Variants in PHB2 observed in about 807,000 individuals in gnomAD.
The protein encoded by PHB2 is prohibitin-2.
In PHB2, 22 loss-of-function variants were observed where a neutral mutation model predicts 46.4. The ratio of observed to expected loss-of-function variants is 0.47; its 90% CI spans 0.34 to 0.68. PHB2 has a LOEUF of 0.68. Among genes scored for constraint, PHB2 ranks in the 30% least tolerant of loss-of-function variants. The pLI, the probability that PHB2 is intolerant of heterozygous loss-of-function variation, is 0.01. For missense variants in PHB2, 305 were observed against 382.8 expected (o/e 0.80, Z 1.70); for synonymous variants, 156 against 150.5 (o/e 1.04, Z -0.27).
At chr12:6,965,794 C>T (rs1203613669) in intron 9 of PHB2, 82 bp from the exon 10 acceptor site, 61 of 1,540,410 alleles carry the variant, frequency 4.0e-5, no homozygotes, top group South Asian at 9.0e-5. Flanking sequence ...ATTCCCTCTA[C>T]GACCCTCCTA....
chr12:6,967,653 A>T lies in PHB2; in HGVS notation c.711+23T>A. The T allele has an allele frequency of 6.3e-7, 1 of 1,582,216 alleles. No homozygotes were observed. The highest frequency in any genetic ancestry group is 8.7e-7 in the Non-Finnish European group (1 of 1,151,580). ...CTCAGGTGCCCTAGGGGCTGGGCTG[A>T]GATCTCTCCAGCAGAAGGATATCAT... On this transcript the variant is annotated intron_variant, in intron 6 of 9. Transcript: ENST00000535923. The surrounding 1 kb of genome is among the most constrained non-coding windows in gnomAD (Gnocchi z 4.9).
At position 6,967,048 on chromosome 12, in the gene PHB2, A is replaced by C; in HGVS notation, c.789+123T>G. On this transcript the variant is annotated intron_variant, in intron 7 of 9. Coordinates refer to ENST00000535923, the MANE Select transcript of PHB2 (RefSeq NM_001144831.2). The surrounding 1 kb of genome is among the most constrained non-coding windows in gnomAD (Gnocchi z 4.9). ...ACATGCGTGAGCCACCGCGCCGGCC[A>C]GAGAAGCCAATCTGAGTAGAAACCG... 2 of 861,114 alleles carry C rather than the reference A, an allele frequency of 2.3e-6. No homozygotes were observed. The highest frequency in any genetic ancestry group is 3.7e-6 in the Non-Finnish European group (2 of 533,820). 53.3% of individuals were successfully genotyped at this position (861,114 alleles called of 1,614,324 possible).
At position 6,965,530 on chromosome 12, in the gene PHB2, T is replaced by C; in HGVS notation, c.*155A>G. 2.9e-6 allele frequency: 2 copies of C among 690,282 alleles called. No homozygotes were observed. Among genetic ancestry groups the C allele is most frequent in the South Asian group, 1.5e-5 (1 of 65,536 alleles). The allele number at this position is 690,282 out of a possible 1,614,324, so 42.8% of individuals were successfully genotyped here. On this transcript the variant is annotated 3_prime_UTR_variant, in exon 10 of 10. Transcript: ENST00000535923. ...CCCCAGAAAAGGGGCTAGTCTTCAG[T>C]CTTCCTTAATCCAAGAGGGGTTCAG...
rs782267131 is a variant in PHB2, at chr12:6,970,325, G to A, written c.128-45C>T. ...GATCAGGCCAGGCCGCTGCTCAGAG[G>A]AAATGCTAGGCCCGTGGAGGGGCGC... On this transcript the variant is annotated intron_variant, in intron 1 of 9. Transcript: ENST00000535923. The A allele has an allele frequency of 8.1e-6, 13 of 1,606,904 alleles. No homozygotes were observed. The East Asian group carries it at 1.1e-4, about 14-fold the overall frequency.
chr12:6,968,038 AGAGGGGAAGG>A lies in PHB2; in HGVS notation c.478-27_478-18del. 1 of 1,584,960 alleles carries A rather than the reference AGAGGGGAAGG, an allele frequency of 6.3e-7. No individual in the cohort carries two copies. The highest frequency in any genetic ancestry group is 8.6e-7 in the Non-Finnish European group (1 of 1,160,858). ...CAGGGATACCTGAGGGCAGGGGTGA[AGAGGGGAAGG>A]GAGGGGTGGTTTGAGGGGACTGGGG... On this transcript the variant is annotated intron_variant, in intron 4 of 9. Transcript: ENST00000535923.
chr12:6,970,122 C>G (rs1487698146), intron 2 of PHB2, 74 bp downstream of exon 2: 5 of 1,093,662 alleles, frequency 4.6e-6, no homozygotes, highest in Non-Finnish European at 7.0e-6. Context: ...TCCTGTTGCA[C>G]GTCCGACTAT....
rs1472871274 is a variant in PHB2, at chr12:6,970,316, TG to T, written c.128-37del. 8.7e-6 allele frequency: 14 copies of T among 1,609,170 alleles called. No individual in the cohort carries two copies. In the East Asian group the frequency reaches 3.1e-4, roughly 36 times the overall value. On this transcript the variant is annotated intron_variant, in intron 1 of 9. Coordinates refer to ENST00000535923, the MANE Select transcript of PHB2 (RefSeq NM_001144831.2). ...ATGGGTGGTGATCAGGCCAGGCCGC[TG>T]CTCAGAGGAAATGCTAGGCCCGTGG...
At position 6,968,504 on chromosome 12, in the gene PHB2, G is replaced by A. The variant is rs373142797; in HGVS notation, c.384C>T (p.Tyr128=). Reference sequence around the variant, plus strand: ...CAATGGACGGCAACACTCGTTCCTCGTAGTCCAGCCCTAGGCGCTGGTACA... The same window carrying A: ...CAATGGACGGCAACACTCGTTCCTCATAGTCCAGCCCTAGGCGCTGGTACA... ...PSMYQRLGLD[Y]EERVLPSIVN... is the part of the protein sequence containing the mutation. Residue 128 remains tyrosine (Y), a synonymous_variant, in exon 4 of 10, where the codon TAC becomes TAT. Coordinates refer to ENST00000535923, the MANE Select transcript of PHB2 (RefSeq NM_001144831.2). 9.5e-5 allele frequency: 154 copies of A among 1,613,276 alleles called. No homozygotes were observed. The African/African-American group carries it at 1.7e-3, about 17-fold the overall frequency.
intron 9 of PHB2, 62 bp from the exon 10 acceptor site, chr12:6,965,774 A>G (rs782734393): frequency 1.3e-5 from 20 of 1,551,240 alleles, no homozygotes; most frequent in Non-Finnish European, 1.8e-5. Context: ...GAGGCAGGAC[A>G]CTCTAGGCCA....
In PHB2 at chr12:6,968,140, T is replaced by A. The variant is rs1946247583; in HGVS notation, c.478-119A>T. On this transcript the variant is annotated intron_variant, in intron 4 of 9. Transcript: ENST00000535923. The stretch of plus-strand genomic sequence containing the variant: ...TACAACATGCACTGCCTTAGCTTCC[T>A]GTCAGGCAAACCTGTAACATAAGCC... 1.4e-5 allele frequency: 13 copies of A among 949,448 alleles called. No individual in the cohort carries two copies. In the South Asian group the frequency reaches 2.2e-4, roughly 16 times the overall value. The allele number at this position is 949,448 out of a possible 1,614,324, so 58.8% of individuals were successfully genotyped here. A position where few individuals can be genotyped will look rare whatever the true frequency, so the allele number is the denominator to read the frequency against.
Position 6,970,362 on chromosome 12 carries a change from AAGGGGTTTGGGGG to A in PHB2, c.127+42_127+54del, listed in dbSNP as rs1946300793. The A allele has an allele frequency of 3.1e-6, 5 of 1,604,740 alleles. No homozygotes were observed. The Admixed American group carries it at 8.3e-5, about 27-fold the overall frequency. On this transcript the variant is annotated intron_variant, in intron 1 of 9. Coordinates refer to ENST00000535923, the MANE Select transcript of PHB2 (RefSeq NM_001144831.2). ...CCGTGGAGGGGCGCGGGGACAGGGCAAGGGGTTTGGGGGAGGGACTGGAAGCGTCCGGCGAGCA... is the reference window on the plus strand; with the variant it reads ...CCGTGGAGGGGCGCGGGGACAGGGCAAGGGACTGGAAGCGTCCGGCGAGCA...
Position 6,968,603 on chromosome 12 carries a change from T to C in PHB2, c.293-8A>G. 1 of 1,612,692 alleles carries C rather than the reference T, an allele frequency of 6.2e-7. No individual in the cohort carries two copies. The highest frequency in any genetic ancestry group is 1.3e-5 in the African/African-American group (1 of 75,044). On this transcript the variant is annotated splice_region_variant and splice_polypyrimidine_tract_variant and intron_variant, in intron 3 of 9. Transcript: ENST00000535923. ...TATTCACCATCTGTAGGTCTGAGAT[T>C]GAGGTCAGCAGTGGCTGGTCAAGGC...
chr12:6,966,040 T>G, intron 8 of PHB2, 124 bp from the exon 9 acceptor site: 1 of 1,042,472 alleles, frequency 9.6e-7, no homozygotes, highest in Non-Finnish European at 1.4e-6. Flanking sequence ...ATAAACAGGG[T>G]TGACAGCCAG....
Position 6,965,718 on chromosome 12 carries a change from G to A in PHB2, c.873-6C>T. ...TACCCTTGATGAGGCTGTCACTGTA[G>A]GAAAAAAAAGATAGATAATGACATT... On this transcript the variant is annotated splice_polypyrimidine_tract_variant and splice_region_variant and intron_variant, in intron 9 of 9. Transcript: ENST00000535923. The A allele has an allele frequency of 2.5e-6, 4 of 1,610,284 alleles. No homozygotes were observed.
At position 6,967,873 on chromosome 12, in the gene PHB2, C is replaced by A. The variant is rs782067474; in HGVS notation, c.607+19G>T. ...TCCTGCATCTCAGAAGCCCTCACCC[C>A]ACGGCTCTTGCGACTCACCCACTTG... On this transcript the variant is annotated intron_variant, in intron 5 of 9. Transcript: ENST00000535923. This position sits in a 1 kb window ranked among gnomAD's most constrained non-coding sequence, Gnocchi z 4.9. 76 of 1,613,046 alleles carry A rather than the reference C, an allele frequency of 4.7e-5. No individual in the cohort carries two copies. In the Admixed American group the frequency reaches 1.2e-3, roughly 26 times the overall value.
chr12:6,970,298 G>A lies in PHB2; in HGVS notation c.128-18C>T. On this transcript the variant is annotated intron_variant, in intron 1 of 9. Transcript: ENST00000535923. ...GCCTTCCACTGTGGGGAGATGGGTG[G>A]TGATCAGGCCAGGCCGCTGCTCAGA... 6.2e-7 allele frequency: 1 copy of A among 1,611,444 alleles called. No individual in the cohort carries two copies. The highest frequency in any genetic ancestry group is 1.1e-5 in the South Asian group (1 of 91,056).
At chr12:6,970,069 C>T (rs782621830) in intron 2 of PHB2, 127 bp downstream of exon 2, 2 of 784,150 alleles carry the variant, frequency 2.6e-6, no homozygotes, top group Non-Finnish European at 4.5e-6. Flanking sequence ...ACCCACTATC[C>T]TAGGGGCAGG....
intron 3 of PHB2, among the ~76,000 whole-genome samples, chr12:6,968,907 T>C (rs782025414): frequency 2.4e-4 from 37 of 152,226 alleles, no homozygotes; most frequent in African/African-American, 8.4e-4. Flanking sequence ...CTGTAAGGAC[T>C]TGGGGGACAA....
At position 6,965,910 on chromosome 12, in the gene PHB2, C is replaced by A; in HGVS notation, c.872+1G>T. 3.1e-6 allele frequency: 5 copies of A among 1,598,884 alleles called. No individual in the cohort carries two copies. Among genetic ancestry groups the A allele is most frequent in the Non-Finnish European group, 4.2e-6 (5 of 1,179,430 alleles). On this transcript the variant is annotated splice_donor_variant, in intron 9 of 9. Transcript: ENST00000535923. LOFTEE classifies it high-confidence loss of function. ...ACCCCACAGAAGCAACAACAGCTTACCTTCCCCTGTGGTGCCAGATCGCCA... is the reference window on the plus strand; with the variant it reads ...ACCCCACAGAAGCAACAACAGCTTAACTTCCCCTGTGGTGCCAGATCGCCA...
Sources: allele counts gnomAD v4.1 joint callset (sites outside exome capture counted in the v4.1 genomes callset), GRCh38; gene constraint gnomAD v4.1.1; non-coding constraint Gnocchi (gnomAD v3.1); transcripts MANE v1.5; gene names NCBI Gene and HGNC (gene_info 2026-07-23, HGNC 2026-07-21).